The following NOL11 variants were observed in gnomAD, a reference collection of about 807,000 sequenced individuals.
The protein encoded by NOL11 is nucleolar protein 11.
NOL11 carries 42 observed loss-of-function variants against 93.0 expected under a neutral mutation model. The ratio of observed to expected loss-of-function variants is 0.45; its 90% CI spans 0.35 to 0.58. NOL11 has a LOEUF of 0.58. Among genes scored for constraint, NOL11 ranks in the 20% least tolerant of loss-of-function variants. The pLI, the probability that NOL11 is intolerant of heterozygous loss-of-function variation, is 0.00. For synonymous variants in NOL11, 296 were observed against 293.7 expected, an observed-to-expected ratio of 1.01 and a Z score of -0.08; for missense variants, 775 against 841.8, an observed-to-expected ratio of 0.92 and a Z score of 0.98.
In NOL11 at chr17:67,719,899, AT is replaced by A; in HGVS notation, c.256-4del. The A allele has an allele frequency of 6.4e-7, 1 of 1,565,408 alleles. No individual in the cohort carries two copies. The highest frequency in any genetic ancestry group is 1.2e-5 in the South Asian group (1 of 85,508). ...GATAGTTTTTAACTAGTATGTTTTG[AT>A]TTAAGGTTTTAAGAATATGGAATAA... On this transcript the variant is annotated splice_polypyrimidine_tract_variant and splice_region_variant and intron_variant, in intron 2 of 17. Coordinates refer to ENST00000253247, the MANE Select transcript of NOL11 (RefSeq NM_015462.5).
rs906862381 is a variant in NOL11 at position 67,744,364 on chromosome 17, T to C, written c.*505T>C. ...TGATTGCCTCCTGCGGTCTCCCCTGTCCTTTAGGACAAATGAAAAGTTCAA... is the reference window on the plus strand; with the variant it reads ...TGATTGCCTCCTGCGGTCTCCCCTGCCCTTTAGGACAAATGAAAAGTTCAA... On this transcript the variant is annotated 3_prime_UTR_variant, in exon 18 of 18. Coordinates refer to ENST00000253247, the MANE Select transcript of NOL11 (RefSeq NM_015462.5). The C allele has an allele frequency of 6.6e-6, 1 of 152,226 alleles. No individual in the cohort carries two copies. The highest frequency in any genetic ancestry group is 2.4e-5 in the African/African-American group (1 of 41,460). 9.4% of individuals were successfully genotyped at this position (152,226 alleles called of 1,614,324 possible).
chr17:67,721,295 TAAAA>T, intron 3 of NOL11, 79 bp from the exon 4 acceptor site: 1 of 859,448 alleles, frequency 1.2e-6, no homozygotes, highest in Non-Finnish European at 1.7e-6. Flanking sequence ...AGCAGTCACT[TAAAA>T]AGAAGCCTTC....
intron 7 of NOL11, among the ~76,000 whole-genome samples, chr17:67,733,847 T>C (rs7226085): frequency 0.86 from 130,992 of 152,100 alleles, 56,515 homozygotes; most frequent in East Asian, 0.96. Context: ...GAGTCAATCC[T>C]TCTTGGTCAT....
intron 7 of NOL11, among the ~76,000 whole-genome samples, chr17:67,728,381 C>A (rs1325196371): frequency 6.6e-6 from 1 of 152,104 alleles, no homozygotes; most frequent in Non-Finnish European, 1.5e-5. Context: ...TGTTACTATC[C>A]CCCTTTACAA....
intron 7 of NOL11, among the ~76,000 whole-genome samples, chr17:67,728,215 A>C (rs1317898310): frequency 6.6e-6 from 1 of 152,170 alleles, no homozygotes; most frequent in Non-Finnish European, 1.5e-5. Flanking sequence ...AGCTGAGATC[A>C]CACCACTGCA....
rs116381888 is a variant in NOL11 at position 67,722,442 on chromosome 17, C to T, written c.462-138C>T. 2,713 of 1,325,106 alleles carry T rather than the reference C, an allele frequency of 2.0e-3. 53 individuals are homozygous for T. In the African/African-American group the frequency reaches 0.035, roughly 17 times the overall value. The allele number at this position is 1,325,106 out of a possible 1,614,324, so 82.1% of individuals were successfully genotyped here. A position where few individuals can be genotyped will look rare whatever the true frequency, so the allele number is the denominator to read the frequency against. On this transcript the variant is annotated intron_variant, in intron 4 of 17. Coordinates refer to ENST00000253247, the MANE Select transcript of NOL11 (RefSeq NM_015462.5). Reference sequence around the variant, plus strand: ...ATTGCTTGTGGTATATGTTTCAAAACGCCCAATTAAGTGTTCTCTGATGTC... The same window carrying T: ...ATTGCTTGTGGTATATGTTTCAAAATGCCCAATTAAGTGTTCTCTGATGTC...
chr17:67,726,757 T>C, intron 7 of NOL11, 109 bp downstream of exon 7: 1 of 809,434 alleles, frequency 1.2e-6, no homozygotes, highest in South Asian at 3.0e-5. Context: ...TAATTCATTC[T>C]CTTTATCAGC....
Position 67,719,782 on chromosome 17 carries a change from A to G in NOL11, c.250A>G (p.Asn84Asp). Residue 84 changes from asparagine (N) to aspartate (D), a missense_variant, in exon 2 of 18, where the codon AAT becomes GAT. By Grantham distance (23) the Asn-to-Asp change is conservative (BLOSUM62 1). Around this residue, in one of 2 missense-constraint regions of NOL11, gnomAD observed 359 missense variants for 316.5 expected, o/e 1.13. Coordinates refer to ENST00000253247, the MANE Select transcript of NOL11 (RefSeq NM_015462.5). ...QTGEYVVVHDNKVLRIWNNED... is the reference protein window; with the variant it reads ...QTGEYVVVHDDKVLRIWNNED... The stretch of plus-strand genomic sequence containing the variant: ...TGGAGAGTATGTTGTTGTACACGAT[A>G]ATAAGGTGAGTTTTAAAACTTTTGT... 1 of 1,589,332 alleles carries G rather than the reference A, an allele frequency of 6.3e-7. No homozygotes were observed. The highest frequency in any genetic ancestry group is 2.2e-5 in the East Asian group (1 of 44,554).
Position 67,739,498 on chromosome 17 carries a change from AT to A in NOL11, c.1843-10del, listed in dbSNP as rs754625238. 6.1e-5 allele frequency: 91 copies of A among 1,483,996 alleles called. No homozygotes were observed. Among genetic ancestry groups the A allele is most frequent in the Middle Eastern group, 3.9e-4 (2 of 5,112 alleles). 91.9% of individuals were successfully genotyped at this position (1,483,996 alleles called of 1,614,324 possible). A position where few individuals can be genotyped will look rare whatever the true frequency, so the allele number is the denominator to read the frequency against. On this transcript the variant is annotated splice_polypyrimidine_tract_variant and intron_variant, in intron 15 of 17. Transcript: ENST00000253247. ...TTTCTATCAAAATGATAAACTATCC[AT>A]TTTTTTTCCCACCCAGCTGTTTCTT...
At chr17:67,736,807 A>G in intron 10 of NOL11, 53 bp downstream of exon 10, 2 of 1,239,698 alleles carry the variant, frequency 1.6e-6, no homozygotes, top group South Asian at 1.3e-5. Flanking sequence ...AAAAACAGAA[A>G]AAGACTGAAT....
rs749301109 is a variant in NOL11, at chr17:67,717,978, T to A, written c.31T>A (p.Ser11Thr). Residue 11 changes from serine (S) to threonine (T), a missense_variant, in exon 1 of 18, where the codon TCT becomes ACT. By Grantham distance (58) the Ser-to-Thr change is moderately conservative. Coordinates refer to ENST00000253247, the MANE Select transcript of NOL11 (RefSeq NM_015462.5). MAALEEEFTL[S>T]SVVLSAGPEG... ...AGCGCTGGAGGAAGAATTCACGTTG[T>A]CTTCGGTAGTCCTGAGCGCCGGGCC... is the stretch of plus-strand genomic sequence containing the variant. The A allele has an allele frequency of 6.2e-7, 1 of 1,614,212 alleles. No individual in the cohort carries two copies. Among genetic ancestry groups the A allele is most frequent in the East Asian group, 2.2e-5 (1 of 44,886 alleles).
At position 67,737,666 on chromosome 17, in the gene NOL11, T is replaced by A. The variant is rs2055215185; in HGVS notation, c.1377T>A (p.Leu459=). 1 of 1,613,548 alleles carries A rather than the reference T, an allele frequency of 6.2e-7. No homozygotes were observed. Among genetic ancestry groups the A allele is most frequent in the Non-Finnish European group, 8.5e-7 (1 of 1,179,816 alleles). ...SFYPRNCLMQ[L]IQTHVLSYSL... ...ATCCCCGGAACTGTCTGATGCAGCT[T>A]ATCCAAACGCATGTGCTTTCTTACA... Residue 459 remains leucine (L), a synonymous_variant, in exon 12 of 18, where the codon CTT becomes CTA. Transcript: ENST00000253247.
intron 16 of NOL11, 108 bp downstream of exon 16, chr17:67,739,716 C>A (rs1022192119): frequency 1.5e-6 from 1 of 673,302 alleles, no homozygotes; most frequent in Non-Finnish European, 2.6e-6. Flanking sequence ...TTTCCTAGGC[C>A]GTAGGAATCC....
chr17:67,721,441 G>T lies in NOL11; in HGVS notation c.376G>T (p.Glu126Ter), dbSNP rs775537313. ...QGTEPLVLFK[E>*]GAVRGLEALL... ...GACAGAACCCTTGGTGCTCTTCAAG[G>T]AAGGTGCTGTTCGTGGTTTAGAGGC... The change falls in exon 4 of 18, where the codon GAA becomes TAA. Residue 126 changes from glutamate (E) to a stop codon, truncating the protein, a stop_gained. Transcript: ENST00000253247. LOFTEE classifies it high-confidence loss of function. The T allele has an allele frequency of 3.1e-6, 5 of 1,613,724 alleles. No individual in the cohort carries two copies. Among genetic ancestry groups the T allele is most frequent in the Non-Finnish European group, 8.5e-7 (1 of 1,179,656 alleles).
intron 6 of NOL11, among the ~76,000 whole-genome samples, chr17:67,725,626 C>T (rs1158577928): frequency 1.3e-5 from 2 of 152,116 alleles, no homozygotes; most frequent in Non-Finnish European, 2.9e-5. Flanking sequence ...TTGGAATGTA[C>T]TTAATGTTTA....
At chr17:67,738,397 G>T (rs746984647) in intron 14 of NOL11, 42 bp downstream of exon 14, 1 of 1,310,672 alleles carries the variant, frequency 7.6e-7, no homozygotes, top group Non-Finnish European at 1.1e-6. Flanking sequence ...CTCTTTATAG[G>T]ATATAGTTAT....
At chr17:67,729,581 A>T (rs2055132098) in intron 7 of NOL11, among the ~76,000 whole-genome samples, 1 of 151,008 alleles carries the variant, frequency 6.6e-6, no homozygotes, top group African/African-American at 2.5e-5. Context: ...AAATCATACA[A>T]TACTTTTTTT....
In NOL11 at chr17:67,721,543, G is replaced by A; in HGVS notation, c.461+17G>A. On this transcript the variant is annotated intron_variant, in intron 4 of 17. Transcript: ENST00000253247. ...AGTGATTAAGTAAGTTCCAGTACTT[G>A]TAAGTAAATTTATCAAAATAAAAAT... 1.3e-6 allele frequency: 2 copies of A among 1,595,142 alleles called. No homozygotes were observed. Among genetic ancestry groups the A allele is most frequent in the Non-Finnish European group, 1.7e-6 (2 of 1,170,308 alleles).
chr17:67,726,694 C>T, intron 7 of NOL11, 46 bp downstream of exon 7: 1 of 1,363,030 alleles, frequency 7.3e-7, no homozygotes, highest in East Asian at 2.5e-5. Flanking sequence ...ATGTTTCCTT[C>T]ACGGTGTACC....
Sources: allele counts gnomAD v4.1 joint callset (sites outside exome capture counted in the v4.1 genomes callset), GRCh38; gene constraint gnomAD v4.1.1; regional missense constraint gnomAD v4.1.1; transcripts MANE v1.5; gene names NCBI Gene and HGNC (gene_info 2026-07-23, HGNC 2026-07-21).